The following LPP variants were observed in gnomAD, a reference collection of about 807,000 sequenced individuals.
LPP encodes the protein LIM domain containing preferred translocation partner in lipoma, also known as lipoma-preferred partner.
In LPP, 38 loss-of-function variants were observed where a neutral mutation model predicts 60.4. The observed-to-expected ratio is 0.63, with a 90% CI of 0.49 to 0.83. The LOEUF (loss-of-function observed/expected upper bound fraction) is 0.83, where lower values mean the gene tolerates loss of function less well. Ranked by LOEUF, LPP falls within the 40% of genes least tolerant of loss-of-function variation. LPP has a pLI of 0.00. For synonymous variants in LPP, 328 were observed against 290.8 expected (o/e 1.13, Z -1.30); for missense variants, 902 against 783.6 (o/e 1.15, Z -1.80).
At chr3:188,781,947 TC>T (rs1739911581) in intron 9 of LPP, among the ~76,000 whole-genome samples, 1 of 151,136 alleles carries the variant, frequency 6.6e-6, no homozygotes, top group Non-Finnish European at 1.5e-5. Flanking sequence ...TCCCACTGTG[TC>T]CCTTCTACTT....
In LPP at chr3:188,352,769, C is replaced by T. The variant is rs1178933724; in HGVS notation, c.-10+11050C>T. 6.6e-6 allele frequency among the ~76,000 whole-genome samples: 1 copy of T among 152,116 alleles called. No homozygotes were observed. The highest frequency in any genetic ancestry group is 1.5e-5 in the Non-Finnish European group (1 of 68,032). On this transcript the variant is annotated intron_variant, in intron 3 of 11. Coordinates refer to ENST00000617246, the MANE Select transcript of LPP (RefSeq NM_001375462.1). This position sits in a 1 kb window ranked among gnomAD's most constrained non-coding sequence, Gnocchi z 4.4. Reference sequence around the variant, plus strand: ...GTCCTGAAAGCTGCAGAGGGATGGGCTGGTGACACTGCCGTGCCTAGGAGT... The same window carrying T: ...GTCCTGAAAGCTGCAGAGGGATGGGTTGGTGACACTGCCGTGCCTAGGAGT...
chr3:188,304,316 T>G (rs925747806), intron 2 of LPP, among the ~76,000 whole-genome samples: 28 of 152,184 alleles, frequency 1.8e-4, no homozygotes, highest in African/African-American at 6.8e-4. Flanking sequence ...CTGTATAGTT[T>G]AAGCCTCTTT....
chr3:188,454,740 CT>C (rs1341231109), intron 4 of LPP, among the ~76,000 whole-genome samples: 1 of 152,118 alleles, frequency 6.6e-6, no homozygotes, highest in Non-Finnish European at 1.5e-5. Context: ...GCGGGAACCC[CT>C]GATAAACCCA....
At chr3:188,249,339 G>A (rs1019384532) in intron 2 of LPP, among the ~76,000 whole-genome samples, 1 of 151,960 alleles carries the variant, frequency 6.6e-6, no homozygotes, top group Non-Finnish European at 1.5e-5. Flanking sequence ...CAAGGCTGCC[G>A]TGAGCTGAGA....
chr3:188,322,683 T>C (rs1757286232), intron 2 of LPP, among the ~76,000 whole-genome samples: 1 of 152,196 alleles, frequency 6.6e-6, no homozygotes, highest in South Asian at 2.1e-4. Context: ...GCTGTAGTGA[T>C]GGGAAAAGTA....
At chr3:188,739,034 T>C (rs1723500687) in intron 8 of LPP, among the ~76,000 whole-genome samples, 1 of 152,094 alleles carries the variant, frequency 6.6e-6, no homozygotes, top group South Asian at 2.1e-4. Flanking sequence ...ACTGTAAAAA[T>C]GCCTCAAGAT....
chr3:188,866,318 A>C lies in LPP; in HGVS notation c.1529A>C (p.Asp510Ala). Residue 510 changes from aspartate (D) to alanine (A), a missense_variant, in exon 10 of 12, where the codon GAT (aspartate) becomes GCT (alanine). Physicochemically the swap from Asp to Ala is moderately radical, Grantham distance 126. Coordinates refer to ENST00000617246, the MANE Select transcript of LPP (RefSeq NM_001375462.1). Reference sequence around the variant, plus strand: ...TGCGTGATGTGCCACCGCAGCCTGGATGGGATCCCATTCACTGTGGATGCT... The same window carrying C: ...TGCGTGATGTGCCACCGCAGCCTGGCTGGGATCCCATTCACTGTGGATGCT... Reference protein sequence around the residue: ...FTCVMCHRSLDGIPFTVDAGG... With the variant: ...FTCVMCHRSLAGIPFTVDAGG... 1 of 1,585,622 alleles carries C rather than the reference A, an allele frequency of 6.3e-7. No individual in the cohort carries two copies. The highest frequency in any genetic ancestry group is 8.6e-7 in the Non-Finnish European group (1 of 1,164,846).
chr3:188,330,244 T>C (rs1233138507), intron 2 of LPP, among the ~76,000 whole-genome samples: 2 of 152,232 alleles, frequency 1.3e-5, no homozygotes, highest in Admixed American at 6.5e-5. Flanking sequence ...TTTAAATATG[T>C]CTCTTATGTT....
At chr3:188,580,892 T>C (rs9823788) in intron 6 of LPP, among the ~76,000 whole-genome samples, 149,819 of 152,118 alleles carry the variant, frequency 0.98, 73,819 homozygotes, top group Middle Eastern at 1. Context: ...TGAAGCTACT[T>C]GCCACAATGA....
intron 3 of LPP, among the ~76,000 whole-genome samples, chr3:188,374,290 A>G (rs1372364917): frequency 1.3e-5 from 2 of 152,054 alleles, no homozygotes; most frequent in African/African-American, 4.8e-5. Flanking sequence ...TCTATAAATT[A>G]CCTTTGGCAG....
chr3:188,163,903 A>T (rs991396031), intron 1 of LPP, among the ~76,000 whole-genome samples: 9 of 150,332 alleles, frequency 6.0e-5, no homozygotes, highest in African/African-American at 9.8e-5. Context: ...GTGAGCCAGG[A>T]TGGCACCACT....
At chr3:188,588,992 T>G (rs1838091470) in intron 6 of LPP, among the ~76,000 whole-genome samples, 1 of 152,100 alleles carries the variant, frequency 6.6e-6, no homozygotes, top group Non-Finnish European at 1.5e-5. Context: ...TTATTTTGCC[T>G]CTTTTGCTGG....
chr3:188,608,145 G>C (rs1486636039), intron 6 of LPP, among the ~76,000 whole-genome samples: 1 of 152,144 alleles, frequency 6.6e-6, no homozygotes, highest in African/African-American at 2.4e-5. Context: ...GATAAGAACA[G>C]ACAAGGTGCA....
intron 9 of LPP, among the ~76,000 whole-genome samples, chr3:188,781,782 C>G (rs1325630538): frequency 6.6e-6 from 1 of 151,332 alleles, no homozygotes; most frequent in Non-Finnish European, 1.5e-5. Context: ...GTCCCAGCTA[C>G]TCAGGAGGCT....
chr3:188,475,764 G>A (rs1004882148), intron 4 of LPP, among the ~76,000 whole-genome samples: 7 of 152,084 alleles, frequency 4.6e-5, no homozygotes, highest in Admixed American at 6.5e-5. Context: ...TTAGCCGGGC[G>A]TGGTGGCGGG....
intron 9 of LPP, among the ~76,000 whole-genome samples, chr3:188,854,581 C>T (rs1476744411): frequency 6.6e-6 from 1 of 152,158 alleles, no homozygotes; most frequent in Admixed American, 6.5e-5. Flanking sequence ...AAATGATTGC[C>T]AAATCTGTTC....
chr3:188,403,994 T>C (rs1473718118), intron 3 of LPP, among the ~76,000 whole-genome samples: 1 of 152,154 alleles, frequency 6.6e-6, no homozygotes, highest in Non-Finnish European at 1.5e-5. Context: ...ATCACTGGCT[T>C]CAATAGCATG....
At chr3:188,818,614 G>C (rs892520262) in intron 9 of LPP, among the ~76,000 whole-genome samples, 4 of 152,184 alleles carry the variant, frequency 2.6e-5, no homozygotes, top group Non-Finnish European at 5.9e-5. Context: ...TTATATGTGA[G>C]ATTGAGAGGC....
intron 6 of LPP, among the ~76,000 whole-genome samples, chr3:188,606,964 C>T (rs772786933): frequency 5.3e-5 from 8 of 152,112 alleles, no homozygotes; most frequent in Admixed American, 1.3e-4. Context: ...TCTGCTGCAG[C>T]TGTAAAGTCT....
Sources: allele counts gnomAD v4.1 joint callset (sites outside exome capture counted in the v4.1 genomes callset), GRCh38; gene constraint gnomAD v4.1.1; non-coding constraint Gnocchi (gnomAD v3.1); transcripts MANE v1.5; gene names NCBI Gene and HGNC (gene_info 2026-07-23, HGNC 2026-07-21).